Variants in AGO2 observed in about 807,000 individuals in gnomAD.
AGO2 encodes protein argonaute-2.
Under a neutral mutation model 102.3 loss-of-function variants are expected in AGO2, and 5 were observed. The observed-to-expected ratio is 0.05, with a 90% confidence interval of 0.03 to 0.10. The LOEUF is 0.10. AGO2 is among the 10% of genes least tolerant of loss of function. The pLI, the probability that AGO2 is intolerant of heterozygous loss-of-function variation, is 1.00. For missense variants in AGO2, 541 were observed against 1,183.7 expected (o/e 0.46, Z 7.97); for synonymous variants, 449 against 473.1 (o/e 0.95, Z 0.66).
intron 1 of AGO2, among the ~76,000 whole-genome samples, chr8:140,593,938 C>T (rs762165287): frequency 1.1e-4 from 17 of 152,200 alleles, no homozygotes; most frequent in Non-Finnish European, 2.4e-4. Context: ...GAACCAAATG[C>T]GTGACAATCC....
chr8:140,637,513 T>C (rs776422266), upstream of AGO2: 1 of 152,252 alleles, frequency 6.6e-6, no homozygotes, highest in Non-Finnish European at 1.5e-5. Context: ...GAGGGCTTCA[T>C]TGTGTCACTT....
intron 2 of AGO2, among the ~76,000 whole-genome samples, chr8:140,574,878 A>G (rs1278859695): frequency 6.6e-6 from 1 of 152,168 alleles, no homozygotes; most frequent in Non-Finnish European, 1.5e-5. Flanking sequence ...GCAGAGCCTC[A>G]GTCATCTCTC....
rs1259755158 is a variant in AGO2 at position 140,536,820 on chromosome 8, G to A, written c.2170-1251C>T. 2.6e-5 allele frequency among the ~76,000 whole-genome samples: 4 copies of A among 152,204 alleles called. No individual in the cohort carries two copies. In the East Asian group the frequency reaches 7.7e-4, roughly 29 times the overall value. On this transcript the variant is annotated intron_variant, in intron 16 of 18. Coordinates refer to ENST00000220592, the MANE Select transcript of AGO2 (RefSeq NM_012154.5). The stretch of plus-strand genomic sequence containing the variant: ...TGCAGCGGGGAGGAAGGGGGACAGG[G>A]GAAGACACCCAAGGCCATGAGTGCC...
rs2132931937 is a variant in AGO2 at position 140,557,314 on chromosome 8, T to C, written c.879-78A>G. The C allele has an allele frequency of 2.7e-6, 4 of 1,508,584 alleles. No individual in the cohort carries two copies. Among genetic ancestry groups the C allele is most frequent in the Non-Finnish European group, 3.6e-6 (4 of 1,125,652 alleles). The allele number at this position is 1,508,584 out of a possible 1,614,324, so 93.4% of individuals were successfully genotyped here. ...TGCGCTGCTTTTCATTTGCGTTTGC[T>C]TTTTAGGGTGACGTGTGAGGAGCAA... On this transcript the variant is annotated intron_variant, in intron 7 of 18. Transcript: ENST00000220592. This position sits in a 1 kb window ranked among gnomAD's most constrained non-coding sequence, Gnocchi z 5.9.
intron 1 of AGO2, among the ~76,000 whole-genome samples, chr8:140,625,434 GCTGACCACCAGGCAA>G (rs1300896895): frequency 2.0e-5 from 3 of 152,108 alleles, no homozygotes; most frequent in Non-Finnish European, 4.4e-5. Context: ...GTGGGCCTGT[GCTGACCACCAGGCAA>G]CTCGCCCCTC....
At chr8:140,552,810 T>A (rs1021908324) in intron 10 of AGO2, among the ~76,000 whole-genome samples, 1 of 151,816 alleles carries the variant, frequency 6.6e-6, no homozygotes, top group Non-Finnish European at 1.5e-5. Context: ...TCGGCACAAC[T>A]GACATCCGAA....
At chr8:140,573,343 G>C in intron 2 of AGO2, among the ~76,000 whole-genome samples, 2 of 149,740 alleles carry the variant, frequency 1.3e-5, no homozygotes, top group Non-Finnish European at 3.0e-5. Context: ...CTAATTTTTT[G>C]TATTTTTTTT....
At chr8:140,556,381 T>C in intron 8 of AGO2, 95 bp from the exon 9 acceptor site, 4 of 1,516,706 alleles carry the variant, frequency 2.6e-6, no homozygotes, top group Non-Finnish European at 2.7e-6. Flanking sequence ...TGGCTCTGCT[T>C]GGGACCGTCT....
In AGO2 at chr8:140,541,591, T is replaced by TAAACA. The variant is rs137961668; in HGVS notation, c.1840-238_1840-234dup. On this transcript the variant is annotated intron_variant, in intron 14 of 18. Coordinates refer to ENST00000220592, the MANE Select transcript of AGO2 (RefSeq NM_012154.5). ...CAAAAGTTTGCCAAGTTACATAGTT[T>TAAACA]AAACAAAACAAAACAAAACAAAACA... The TAAACA allele has an allele frequency of 2.9e-3, 1,292 of 438,146 alleles. 34 individuals carry two copies. The East Asian group carries it at 0.035, about 12-fold the overall frequency. 27.1% of individuals were successfully genotyped at this position (438,146 alleles called of 1,614,324 possible).
rs905138839 is a variant in AGO2 at position 140,526,247 on chromosome 8, C to T, written c.*5797G>A. ...ATTTTCAACCCATTTGTAGGTAAAG[C>T]AGAAAAAAAAGTGCTTTCTTATATT... On this transcript the variant is annotated 3_prime_UTR_variant, in exon 19 of 19. Transcript: ENST00000220592. The surrounding 1 kb of genome is among the most constrained non-coding windows in gnomAD (Gnocchi z 5.2). The T allele has an allele frequency of 1.3e-5, 2 of 151,854 alleles. No individual in the cohort carries two copies. The highest frequency in any genetic ancestry group is 2.9e-5 in the Non-Finnish European group (2 of 67,942). 9.4% of individuals were successfully genotyped at this position (151,854 alleles called of 1,614,324 possible).
chr8:140,556,061 C>G (rs1332432814), intron 9 of AGO2, 43 bp from the exon 10 acceptor site: 1 of 1,611,956 alleles, frequency 6.2e-7, no homozygotes, highest in African/African-American at 1.3e-5. Context: ...GGGTGGAGGC[C>G]TCCCATCTCT....
chr8:140,590,651 A>G (rs2073734448), intron 1 of AGO2, among the ~76,000 whole-genome samples: 1 of 152,188 alleles, frequency 6.6e-6, no homozygotes. Flanking sequence ...CTCTAGCCAG[A>G]GCTCTGCATC....
chr8:140,595,814 T>TACA (rs1229897108), intron 1 of AGO2, among the ~76,000 whole-genome samples: 144 of 9,862 alleles, frequency 0.015, 7 homozygotes, highest in Non-Finnish European at 0.027. Flanking sequence ...CAATTGTATA[T>TACA]ATTATATTTA....
At chr8:140,628,521 T>C (rs1288237081) in intron 1 of AGO2, among the ~76,000 whole-genome samples, 4 of 152,232 alleles carry the variant, frequency 2.6e-5, no homozygotes, top group African/African-American at 9.6e-5. Flanking sequence ...TGCTCAACTC[T>C]GTGCTGGGTG....
At position 140,549,110 on chromosome 8, in the gene AGO2, C is replaced by A; in HGVS notation, c.1588+4G>T. On this transcript the variant is annotated splice_donor_region_variant and intron_variant, in intron 12 of 18. Transcript: ENST00000220592. ...CCACAGCCAGCGGGAGCGCCCACACCTACCGTACACGGGCGTCTTGCCGGG... is the reference window on the plus strand; with the variant it reads ...CCACAGCCAGCGGGAGCGCCCACACATACCGTACACGGGCGTCTTGCCGGG... 1 of 1,598,846 alleles carries A rather than the reference C, an allele frequency of 6.3e-7. No homozygotes were observed.
rs1295473631 is a variant in AGO2 at position 140,551,374 on chromosome 8, C to T, written c.1332G>A (p.Thr444=). The change falls in exon 11 of 19, where the codon ACG becomes ACA. Residue 444 remains threonine (T), a synonymous_variant. Coordinates refer to ENST00000220592, the MANE Select transcript of AGO2 (RefSeq NM_012154.5). ...TGGCCCACACCTTGATCTCGATGCC[C>T]GTGTGGAACTGCTTGTTCCGCATGT... ...VWDMRNKQFH[T]GIEIKVWAIA... 5.0e-6 allele frequency: 8 copies of T among 1,599,268 alleles called. No homozygotes were observed. The highest frequency in any genetic ancestry group is 2.3e-5 in the East Asian group (1 of 44,250).
chr8:140,621,944 G>T (rs143283872), intron 1 of AGO2, among the ~76,000 whole-genome samples: 1 of 152,090 alleles, frequency 6.6e-6, no homozygotes, highest in African/African-American at 2.4e-5. Context: ...GAACACACAC[G>T]TCCACAGGAA....
intron 1 of AGO2, among the ~76,000 whole-genome samples, chr8:140,623,830 G>A (rs1316528185): frequency 6.6e-6 from 1 of 152,148 alleles, no homozygotes; most frequent in African/African-American, 2.4e-5. Flanking sequence ...CGGGATGGCT[G>A]CAGAACTTTT....
upstream of AGO2, chr8:140,636,640 C>T (rs1453765796): frequency 6.6e-6 from 1 of 152,178 alleles, no homozygotes; most frequent in Non-Finnish European, 1.5e-5. Flanking sequence ...GCTCCGCAGC[C>T]AGCAGGGTGG....
Sources: allele counts gnomAD v4.1 joint callset (sites outside exome capture counted in the v4.1 genomes callset), GRCh38; gene constraint gnomAD v4.1.1; non-coding constraint Gnocchi (gnomAD v3.1); transcripts MANE v1.5; gene names NCBI Gene and HGNC (gene_info 2026-07-23, HGNC 2026-07-21).